TRPC1: variants seen among roughly 807,000 people sequenced by gnomAD.
TRPC1 encodes the protein short transient receptor potential channel 1.
Under a neutral mutation model 88.2 loss-of-function variants are expected in TRPC1, and 42 were observed. The observed-to-expected ratio is 0.48, with a 90% confidence interval of 0.37 to 0.62. The LOEUF (loss-of-function observed/expected upper bound fraction) is 0.62. Ranked by LOEUF, TRPC1 falls within the 20% of genes least tolerant of loss-of-function variation. The pLI is 0.00. For synonymous variants in TRPC1, 288 were observed against 331.8 expected, an observed-to-expected ratio of 0.87 and a Z score of 1.43; for missense variants, 699 against 957.3, an observed-to-expected ratio of 0.73 and a Z score of 3.56.
intron 9 of TRPC1, among the ~76,000 whole-genome samples, chr3:142,800,308 C>T (rs1421302521): frequency 1.3e-5 from 2 of 152,080 alleles, no homozygotes; most frequent in African/African-American, 4.8e-5. Context: ...TGAAAAGTAC[C>T]ACATGGTCTA....
chr3:142,804,523 A>C lies in TRPC1; in HGVS notation c.2047A>C (p.Asn683His), dbSNP rs1404943574. 6.2e-7 allele frequency: 1 copy of C among 1,613,748 alleles called. No individual in the cohort carries two copies. Among genetic ancestry groups the C allele is most frequent in the Non-Finnish European group, 8.5e-7 (1 of 1,179,880 alleles). The change falls in exon 12 of 13, where the codon AAC becomes CAC. Residue 683 changes from asparagine (N) to histidine (H), a missense_variant. Physicochemically the swap from Asn to His is moderately conservative, Grantham distance 68. Coordinates refer to ENST00000476941, the MANE Select transcript of TRPC1 (RefSeq NM_001251845.2). The stretch of plus-strand genomic sequence containing the variant: ...CAAATGTACGTTACCTCCACCTTTC[A>C]ACATCATTCCCTCACCAAAGACTAT... ...DDKCTLPPPFNIIPSPKTICY... is the reference protein window; with the variant it reads ...DDKCTLPPPFHIIPSPKTICY...
At position 142,764,070 on chromosome 3, in the gene TRPC1, A is replaced by G. The variant is rs1463976804; in HGVS notation, c.633-13562A>G. Among the ~76,000 whole-genome samples, 3 of 125,324 alleles carry G rather than the reference A, an allele frequency of 2.4e-5. No homozygotes were observed. In the East Asian group the frequency reaches 6.9e-4, roughly 29 times the overall value. The allele number at this position is 125,324 out of a possible 152,430, so 82.2% of individuals were successfully genotyped here. A position where few individuals can be genotyped will look rare whatever the true frequency, so the allele number is the denominator to read the frequency against. Reference sequence around the variant, plus strand: ...TTTTAGATCACAGACAAAAGAATGGAAACAAAGGCAAAAAAAAATTCTACA... The same window carrying G: ...TTTTAGATCACAGACAAAAGAATGGGAACAAAGGCAAAAAAAAATTCTACA... On this transcript the variant is annotated intron_variant, in intron 4 of 12. Coordinates refer to ENST00000476941, the MANE Select transcript of TRPC1 (RefSeq NM_001251845.2).
In TRPC1 at chr3:142,736,393, G is replaced by A. The variant is rs1391049878; in HGVS notation, c.187G>A (p.Val63Ile). 1.2e-6 allele frequency: 2 copies of A among 1,606,600 alleles called. No homozygotes were observed. Among genetic ancestry groups the A allele is most frequent in the African/African-American group, 1.3e-5 (1 of 74,744 alleles). The part of the protein sequence containing the change: ...LACDKGDYYM[V>I]KKILEENSSG... ...TTGTTATTTAGGTGACTATTATATG[G>A]TTAAAAAGATTTTGGAGGAAAACAG... is the stretch of plus-strand genomic sequence containing the variant. The change falls in exon 2 of 13, where the codon GTT becomes ATT. Residue 63 changes from valine (V) to isoleucine (I), a missense_variant. Physicochemically the swap from Val to Ile is conservative, Grantham distance 29. Transcript: ENST00000476941.
intron 2 of TRPC1, among the ~76,000 whole-genome samples, chr3:142,741,470 T>C (rs1054165775): frequency 1.6e-4 from 24 of 152,338 alleles, no homozygotes; most frequent in African/African-American, 5.5e-4. Context: ...CTTCATATGG[T>C]CTGAAACTAT....
At chr3:142,781,649 A>T (rs897670699) in intron 6 of TRPC1, among the ~76,000 whole-genome samples, 41 of 152,250 alleles carry the variant, frequency 2.7e-4, no homozygotes, top group African/African-American at 9.9e-4. Flanking sequence ...GCATACATAT[A>T]CATATGATCC....
At chr3:142,772,780 C>A (rs1935622324) in intron 4 of TRPC1, among the ~76,000 whole-genome samples, 1 of 151,822 alleles carries the variant, frequency 6.6e-6, no homozygotes, top group South Asian at 2.1e-4. Context: ...GAGTGAGACT[C>A]CATCTCAAAA....
chr3:142,736,655 GTC>G, intron 2 of TRPC1, 122 bp downstream of exon 2: 1 of 945,922 alleles, frequency 1.1e-6, no homozygotes, highest in South Asian at 2.6e-5. Flanking sequence ...TTCTTTCTTT[GTC>G]TCTCTTACTC....
chr3:142,791,080 A>T lies in TRPC1; in HGVS notation c.1359A>T (p.Glu453Asp). The change falls in exon 8 of 13, where the codon GAA (glutamate) becomes GAT (aspartate). Residue 453 changes from glutamate to aspartate, a missense_variant. Physicochemically the swap from Glu to Asp is conservative, Grantham distance 45. This residue lies in a region of TRPC1 where 426 missense variants were observed against 641.3 expected (regional missense o/e 0.66). Coordinates refer to ENST00000476941, the MANE Select transcript of TRPC1 (RefSeq NM_001251845.2). Reference protein sequence around the residue: ...WYEGLEDFLEESRNQLSFVMN... With the variant: ...WYEGLEDFLEDSRNQLSFVMN... ...AAGGGTTGGAAGACTTTTTAGAAGAATCTCGTAATCAACTCAGTTTTGTCA... is the reference window on the plus strand; with the variant it reads ...AAGGGTTGGAAGACTTTTTAGAAGATTCTCGTAATCAACTCAGTTTTGTCA... 1.2e-6 allele frequency: 2 copies of T among 1,610,980 alleles called. No individual in the cohort carries two copies. Among genetic ancestry groups the T allele is most frequent in the Non-Finnish European group, 1.7e-6 (2 of 1,178,648 alleles).
At chr3:142,777,575 A>G (rs1340438536) in intron 4 of TRPC1, 57 bp from the exon 5 acceptor site, 2 of 1,195,404 alleles carry the variant, frequency 1.7e-6, no homozygotes, top group Admixed American at 5.6e-5. Context: ...ATAGATTAAA[A>G]TACGAATTAT....
chr3:142,797,850 T>C (rs1936500120), intron 9 of TRPC1, among the ~76,000 whole-genome samples: 1 of 152,162 alleles, frequency 6.6e-6, no homozygotes, highest in Non-Finnish European at 1.5e-5. Context: ...AGCTTAGTAC[T>C]TGAAACATGA....
intron 4 of TRPC1, among the ~76,000 whole-genome samples, chr3:142,758,353 T>C (rs1935056211): frequency 1.3e-5 from 2 of 152,236 alleles, no homozygotes; most frequent in Admixed American, 1.3e-4. Context: ...TGATACTGCA[T>C]TGTGATTTTG....
chr3:142,804,240 A>G (rs953018431), intron 11 of TRPC1, 62 bp downstream of exon 11: 30 of 1,455,512 alleles, frequency 2.1e-5, no homozygotes, highest in Non-Finnish European at 2.7e-5. Context: ...CATACAATAG[A>G]TAAGATAGCC....
Position 142,736,474 on chromosome 3 carries a change from A to C in TRPC1, c.268A>C (p.Ile90Leu), listed in dbSNP as rs756070223. The change falls in exon 2 of 13, where the codon ATA becomes CTA. Residue 90 changes from isoleucine to leucine, a missense_variant. By Grantham distance (5) the Ile-to-Leu change is conservative. Transcript: ENST00000476941. Reference protein sequence around the residue: ...VDVLGRNAVTITIENENLDIL... With the variant: ...VDVLGRNAVTLTIENENLDIL... ...TGTGCTTGGGAGAAATGCTGTTACC[A>C]TAACTATTGAAAACGAAAACTTGGA... 1 of 1,612,640 alleles carries C rather than the reference A, an allele frequency of 6.2e-7. No homozygotes were observed. Among genetic ancestry groups the C allele is most frequent in the South Asian group, 1.1e-5 (1 of 90,856 alleles).
At chr3:142,780,333 T>A (rs529577419) in intron 5 of TRPC1, among the ~76,000 whole-genome samples, 1 of 152,292 alleles carries the variant, frequency 6.6e-6, no homozygotes, top group South Asian at 2.1e-4. Context: ...AAATGAGCAC[T>A]TTAAATATGA....
chr3:142,788,100 G>C (rs924047966), intron 7 of TRPC1, among the ~76,000 whole-genome samples: 1 of 152,138 alleles, frequency 6.6e-6, no homozygotes, highest in Non-Finnish European at 1.5e-5. Flanking sequence ...AAGTAATTTT[G>C]ACTTTATATT....
intron 12 of TRPC1, among the ~76,000 whole-genome samples, chr3:142,805,073 C>T (rs1455434736): frequency 6.6e-6 from 1 of 151,088 alleles, no homozygotes; most frequent in African/African-American, 2.4e-5. Flanking sequence ...TGCACTCCAG[C>T]TTGGGTGACA....
At chr3:142,796,480 C>A (rs1202961976) in intron 9 of TRPC1, among the ~76,000 whole-genome samples, 1 of 152,046 alleles carries the variant, frequency 6.6e-6, no homozygotes, top group Non-Finnish European at 1.5e-5. Context: ...TTCCTTATTT[C>A]CTTTTTTCCT....
At chr3:142,738,887 A>C (rs1207658529) in intron 2 of TRPC1, among the ~76,000 whole-genome samples, 2 of 152,174 alleles carry the variant, frequency 1.3e-5, no homozygotes, top group African/African-American at 4.8e-5. Context: ...AGGAACCTTA[A>C]ATATGTTCAC....
intron 5 of TRPC1, among the ~76,000 whole-genome samples, chr3:142,778,404 T>A (rs1935853755): frequency 6.6e-6 from 1 of 151,836 alleles, no homozygotes; most frequent in East Asian, 1.9e-4. Context: ...TATTTTCCTT[T>A]AGGGGGGTAA....
Sources: allele counts gnomAD v4.1 joint callset (sites outside exome capture counted in the v4.1 genomes callset), GRCh38; gene constraint gnomAD v4.1.1; regional missense constraint gnomAD v4.1.1; transcripts MANE v1.5; gene names NCBI Gene and HGNC (gene_info 2026-07-23, HGNC 2026-07-21).